The following CLN8 variants were observed in gnomAD, a reference collection of about 807,000 sequenced individuals.
CLN8 encodes CLN8 transmembrane ER and ERGIC protein.
In CLN8, 14 loss-of-function variants were observed where a neutral mutation model predicts 15.7. The ratio of observed to expected loss-of-function variants is 0.89; its 90% CI spans 0.59 to 1.39. The LOEUF (loss-of-function observed/expected upper bound fraction) is 1.39. Ranked by LOEUF, CLN8 falls within the 40% of genes most tolerant of loss-of-function variation. The probability of loss-of-function intolerance (pLI) is 0.00; values close to 1 mark genes in which losing one functional copy is unlikely to be tolerated. For missense variants in CLN8, 415 were observed against 364.0 expected, an observed-to-expected ratio of 1.14 and a Z score of -1.14; for synonymous variants, 188 against 151.0, an observed-to-expected ratio of 1.25 and a Z score of -1.80.
chr8:1,771,026 A>C lies in CLN8; in HGVS notation c.-29A>C. ...GTAGGGCCCGGCCCGTGTTGGCCCC[A>C]GGACTCCTTTGGAATATAGCTGTGG... On this transcript the variant is annotated 5_prime_UTR_variant, in exon 2 of 3. Transcript: ENST00000331222. 6.2e-7 allele frequency: 1 copy of C among 1,613,024 alleles called. No homozygotes were observed. The highest frequency in any genetic ancestry group is 8.5e-7 in the Non-Finnish European group (1 of 1,179,472).
upstream of CLN8, among the ~76,000 whole-genome samples, chr8:1,753,912 C>G (rs542773071): frequency 2.0e-5 from 3 of 151,816 alleles, no homozygotes; most frequent in Non-Finnish European, 4.4e-5. Flanking sequence ...AAGAAAATTT[C>G]TCATTCTCTT....
chr8:1,773,106 A>C, intron 2 of CLN8: 109 of 391,434 alleles, frequency 2.8e-4, no homozygotes, highest in East Asian at 4.7e-4. Context: ...CTGGGAACTC[A>C]AGGAGGAACT....
intron 1 of CLN8, among the ~76,000 whole-genome samples, chr8:1,757,877 G>A (rs1273836773): frequency 1.3e-5 from 2 of 152,144 alleles, no homozygotes; most frequent in Non-Finnish European, 2.9e-5. Context: ...GAAGAACCCT[G>A]CCAAATGTTG....
Position 1,784,480 on chromosome 8 carries a change from C to T in CLN8, c.*3913C>T, listed in dbSNP as rs1801781907. 1 of 152,126 alleles carries T rather than the reference C, an allele frequency of 6.6e-6. No homozygotes were observed. The highest frequency in any genetic ancestry group is 2.4e-5 in the African/African-American group (1 of 41,398). 9.4% of individuals were successfully genotyped at this position (152,126 alleles called of 1,614,324 possible). A position where few individuals can be genotyped will look rare whatever the true frequency, so the allele number is the denominator to read the frequency against. Reference sequence around the variant, plus strand: ...AAGCCATTTGCAAGAGTAGGGGGCCCCACCTCTTAATACCACCGCAATGAC... The same window carrying T: ...AAGCCATTTGCAAGAGTAGGGGGCCTCACCTCTTAATACCACCGCAATGAC... On this transcript the variant is annotated 3_prime_UTR_variant, in exon 3 of 3. Transcript: ENST00000331222.
At chr8:1,755,649 T>C (rs1289273221), upstream of CLN8, 1 of 152,280 alleles carries the variant, frequency 6.6e-6, no homozygotes, top group East Asian at 1.9e-4. Flanking sequence ...CACCACAACC[T>C]GGCCCAGCCT....
chr8:1,757,823 A>G (rs1800707192), intron 1 of CLN8, among the ~76,000 whole-genome samples: 1 of 152,132 alleles, frequency 6.6e-6, no homozygotes, highest in Non-Finnish European at 1.5e-5. Flanking sequence ...TTCTTTGGGT[A>G]CTGATAATTA....
At chr8:1,755,204 C>T (rs1015940409), upstream of CLN8, among the ~76,000 whole-genome samples, 5 of 152,170 alleles carry the variant, frequency 3.3e-5, no homozygotes, top group African/African-American at 1.2e-4. Context: ...TGAAATGACA[C>T]GGGTCTTGAT....
At chr8:1,756,872 G>A (rs1384517247) in intron 1 of CLN8, among the ~76,000 whole-genome samples, 3 of 151,864 alleles carry the variant, frequency 2.0e-5, no homozygotes, top group Admixed American at 6.6e-5. Context: ...TAGTAGAGAC[G>A]GGGTTTGACC....
rs1801792100 is a variant in CLN8, at chr8:1,784,905, CGT to C, written c.*4342_*4343del. ...AGTAGAGAACGGTGGCCACTGGAAA[CGT>C]GTGGCCAGAAGGGGAAACGCTCGGG... On this transcript the variant is annotated 3_prime_UTR_variant, in exon 3 of 3. Coordinates refer to ENST00000331222, the MANE Select transcript of CLN8 (RefSeq NM_018941.4). The C allele has an allele frequency of 2.0e-5, 3 of 152,334 alleles. No individual in the cohort carries two copies. The South Asian group carries it at 6.2e-4, about 31-fold the overall frequency. 9.4% of individuals were successfully genotyped at this position (152,334 alleles called of 1,614,324 possible). A position where few individuals can be genotyped will look rare whatever the true frequency, so the allele number is the denominator to read the frequency against.
rs1161721377 is a variant in CLN8 at position 1,786,097 on chromosome 8, G to A, written c.*5530G>A. On this transcript the variant is annotated 3_prime_UTR_variant, in exon 3 of 3. Transcript: ENST00000331222. ...GGGGGCTCTCTATCGGGGTCTTCGA[G>A]AGCCAGACAGCCTGCCTTGTGCTGC... is the stretch of plus-strand genomic sequence containing the variant. The A allele has an allele frequency of 6.5e-6, 1 of 152,812 alleles. No homozygotes were observed. Among genetic ancestry groups the A allele is most frequent in the Non-Finnish European group, 1.5e-5 (1 of 68,468 alleles). 9.5% of individuals were successfully genotyped at this position (152,812 alleles called of 1,614,324 possible).
At position 1,780,391 on chromosome 8, in the gene CLN8, C is replaced by G. The variant is rs150047904; in HGVS notation, c.685C>G (p.Pro229Ala). 6,904 of 1,614,224 alleles carry G rather than the reference C, an allele frequency of 4.3e-3. 435 individuals carry two copies. In the Admixed American group the frequency reaches 0.11, roughly 26 times the overall value. The change falls in exon 3 of 3, where the codon CCT becomes GCT. Residue 229 changes from proline to alanine, a missense_variant. By Grantham distance (27) the Pro-to-Ala change is conservative. Transcript: ENST00000331222. ...WDGLVSSLYLPHLTLFLVGLA... is the reference protein window; with the variant it reads ...WDGLVSSLYLAHLTLFLVGLA... ...CGGCCTGGTCAGCAGCCTGTATCTG[C>G]CTCATTTGACACTGTTCCTTGTCGG...
intron 1 of CLN8, among the ~76,000 whole-genome samples, chr8:1,769,425 G>T (rs772323751): frequency 4.6e-5 from 7 of 152,020 alleles, no homozygotes; most frequent in Non-Finnish European, 1.0e-4. Flanking sequence ...GTCAATTCTG[G>T]GGTCTCTTCC....
rs73541034 is a variant in CLN8 at position 1,782,527 on chromosome 8, A to C, written c.*1960A>C. 6.6e-6 allele frequency: 1 copy of C among 152,160 alleles called. No individual in the cohort carries two copies. Among genetic ancestry groups the C allele is most frequent in the Non-Finnish European group, 1.5e-5 (1 of 68,040 alleles). 9.4% of individuals were successfully genotyped at this position (152,160 alleles called of 1,614,324 possible). ...ACCTATTTATCACATTTTACGAAGCAATTTTAATCTTAAACACATCCAGCA... is the reference window on the plus strand; with the variant it reads ...ACCTATTTATCACATTTTACGAAGCCATTTTAATCTTAAACACATCCAGCA... On this transcript the variant is annotated 3_prime_UTR_variant, in exon 3 of 3. Transcript: ENST00000331222.
intron 1 of CLN8, among the ~76,000 whole-genome samples, chr8:1,767,307 T>G (rs1457613054): frequency 1.3e-5 from 2 of 152,212 alleles, no homozygotes; most frequent in African/African-American, 4.8e-5. Flanking sequence ...TATAATCTGC[T>G]GTTTCTGCAT....
At chr8:1,763,431 GCGCC>G (rs1370733174), upstream of CLN8, 1 of 15,528 alleles carries the variant, frequency 6.4e-5, no homozygotes, top group African/African-American at 3.2e-4. Context: ...GCCCCCCGCC[GCGCC>G]CCGCCCCCCG....
rs753799131 is a variant in CLN8, at chr8:1,780,503, C to T, written c.797C>T (p.Ala266Val). The T allele has an allele frequency of 4.3e-6, 7 of 1,614,092 alleles. No individual in the cohort carries two copies. The African/African-American group carries it at 5.3e-5, about 12-fold the overall frequency. The change falls in exon 3 of 3, where the codon GCA becomes GTA. Residue 266 changes from alanine (A) to valine (V), a missense_variant. Coordinates refer to ENST00000331222, the MANE Select transcript of CLN8 (RefSeq NM_018941.4). ...CTCAATCCGGTGGACTGGAACTTCGCACAGCCAGAAGCCAAGAGCAGGCCA... is the reference window on the plus strand; with the variant it reads ...CTCAATCCGGTGGACTGGAACTTCGTACAGCCAGAAGCCAAGAGCAGGCCA... The part of the protein sequence containing the change: ...QLLNPVDWNF[A>V]QPEAKSRPEG...
chr8:1,766,164 G>C (rs1474335844), intron 1 of CLN8, among the ~76,000 whole-genome samples: 1 of 152,146 alleles, frequency 6.6e-6, no homozygotes, highest in East Asian at 1.9e-4. Flanking sequence ...CAGTGCAATA[G>C]AAGAGCTGAA....
chr8:1,774,665 A>G (rs775308744), intron 2 of CLN8, among the ~76,000 whole-genome samples: 2 of 152,232 alleles, frequency 1.3e-5, no homozygotes, highest in South Asian at 4.2e-4. Context: ...TTATCCACAG[A>G]CTCACTAGTT....
At chr8:1,754,980 G>A (rs1800634699), upstream of CLN8, among the ~76,000 whole-genome samples, 1 of 152,208 alleles carries the variant, frequency 6.6e-6, no homozygotes, top group African/African-American at 2.4e-5. Context: ...CCGTGACAGT[G>A]CTGCTGGTCT....
Sources: gnomAD v4.1 joint callset for allele counts (sites outside exome capture counted in the v4.1 genomes callset) on GRCh38, gnomAD v4.1.1 for gene constraint, MANE v1.5 for transcripts, NCBI Gene and HGNC (gene_info 2026-07-23, HGNC 2026-07-21) for gene names.